The following PLAC9 variants were observed in gnomAD, a reference collection of about 807,000 sequenced individuals.
The protein encoded by PLAC9 is placenta associated 9, also known as placenta-specific protein 9.
Under a neutral mutation model 11.5 loss-of-function variants are expected in PLAC9, and 12 were observed. The ratio of observed to expected loss-of-function variants is 1.05; its 90% CI spans 0.67 to 1.69. PLAC9 has a LOEUF of 1.69. PLAC9 is among the 40% of genes most tolerant of loss of function. The probability of loss-of-function intolerance (pLI) is 0.00; values close to 1 mark genes in which losing one functional copy is unlikely to be tolerated. For synonymous variants in PLAC9, 62 were observed against 58.1 expected (o/e 1.07, Z -0.31); for missense variants, 132 against 130.5 (o/e 1.01, Z -0.06).
intron 2 of PLAC9, among the ~76,000 whole-genome samples, chr10:80,142,701 G>T (rs1845054676): frequency 6.6e-6 from 1 of 152,042 alleles, no homozygotes; most frequent in African/African-American, 2.4e-5. Context: ...TAAATCATGT[G>T]ATTTAGTGAG....
At chr10:80,135,375 G>T (rs1687147594) in intron 1 of PLAC9, among the ~76,000 whole-genome samples, 1 of 139,838 alleles carries the variant, frequency 7.2e-6, no homozygotes, top group Non-Finnish European at 1.5e-5. Flanking sequence ...ATCCAGGCTG[G>T]AGTGCAGTGG....
At chr10:80,143,134 G>A (rs919932454) in intron 2 of PLAC9, among the ~76,000 whole-genome samples, 8 of 151,996 alleles carry the variant, frequency 5.3e-5, no homozygotes, top group African/African-American at 1.9e-4. Flanking sequence ...TGCCTCCCAG[G>A]TTCCAGTGAT....
intron 1 of PLAC9, among the ~76,000 whole-genome samples, chr10:80,139,884 C>T (rs1323871033): frequency 6.6e-6 from 1 of 152,108 alleles, no homozygotes; most frequent in Admixed American, 6.5e-5. Flanking sequence ...CTACCATTTC[C>T]AGACACCATG....
At chr10:80,137,028 T>C (rs1358030978) in intron 1 of PLAC9, among the ~76,000 whole-genome samples, 4 of 152,212 alleles carry the variant, frequency 2.6e-5, no homozygotes, top group African/African-American at 7.2e-5. Context: ...TTTTCTACCA[T>C]GATGCGTTCA....
intron 1 of PLAC9, among the ~76,000 whole-genome samples, chr10:80,139,108 C>T (rs1389290479): frequency 6.6e-5 from 10 of 152,092 alleles, no homozygotes; most frequent in South Asian, 2.1e-4. Flanking sequence ...CCCACCGCCA[C>T]GCCCGGCTAA....
intron 1 of PLAC9, among the ~76,000 whole-genome samples, chr10:80,135,048 C>G (rs942553602): frequency 2.3e-5 from 3 of 131,832 alleles, no homozygotes; most frequent in African/African-American, 8.4e-5. Context: ...GAGATGGAGT[C>G]TCGCTCTGTC....
rs576212124 is a variant in PLAC9, at chr10:80,143,047, T to A, written c.162+868T>A. Among the ~76,000 whole-genome samples, 5 of 117,488 alleles carry A rather than the reference T, an allele frequency of 4.3e-5. No homozygotes were observed. The East Asian group carries it at 8.8e-4, about 21-fold the overall frequency. The allele number at this position is 117,488 out of a possible 152,430, so 77.1% of individuals were successfully genotyped here. On this transcript the variant is annotated intron_variant, in intron 2 of 3. Coordinates refer to ENST00000372263, the MANE Select transcript of PLAC9 (RefSeq NM_001012973.3). ...CAATACATATATTACATCAAAAATT[T>A]AAATTTTTTTTTGACAGAGTCTTGC...
chr10:80,132,679 GCAT>G, upstream of PLAC9: 1 of 1,175,876 alleles, frequency 8.5e-7, no homozygotes, highest in Non-Finnish European at 1.1e-6. Context: ...CGAACTGAGT[GCAT>G]TTCCTCTCGG....
At chr10:80,139,324 C>A (rs966170648) in intron 1 of PLAC9, among the ~76,000 whole-genome samples, 2 of 152,200 alleles carry the variant, frequency 1.3e-5, no homozygotes, top group African/African-American at 4.8e-5. Flanking sequence ...GCCCCCATTT[C>A]TCCCAATTCA....
chr10:80,133,943 CAAAAAA>C (rs61127711), intron 1 of PLAC9, among the ~76,000 whole-genome samples: 5 of 107,750 alleles, frequency 4.6e-5, no homozygotes, highest in Non-Finnish European at 8.8e-5. Context: ...GACTCAGTTT[CAAAAAA>C]AAAAAAAAAA....
At chr10:80,138,026 G>C (rs1029074940) in intron 1 of PLAC9, among the ~76,000 whole-genome samples, 4 of 152,230 alleles carry the variant, frequency 2.6e-5, no homozygotes, top group East Asian at 1.9e-4. Flanking sequence ...GCCCCCAGGG[G>C]CCTCTCTCTC....
intron 1 of PLAC9, 28 bp downstream of exon 1, chr10:80,132,854 G>T: frequency 3.4e-6 from 5 of 1,478,324 alleles, no homozygotes; most frequent in Non-Finnish European, 4.5e-6. Flanking sequence ...CGCGGCAGGG[G>T]ACCTGGAGCC....
At chr10:80,137,998 G>A (rs1360223131) in intron 1 of PLAC9, among the ~76,000 whole-genome samples, 1 of 152,066 alleles carries the variant, frequency 6.6e-6, no homozygotes, top group Non-Finnish European at 1.5e-5. Context: ...TCAGGATGTG[G>A]GGCCAGGATG....
At chr10:80,137,081 C>T (rs1031733052) in intron 1 of PLAC9, among the ~76,000 whole-genome samples, 4 of 152,152 alleles carry the variant, frequency 2.6e-5, no homozygotes, top group Non-Finnish European at 5.9e-5. Flanking sequence ...AATGTCAGGC[C>T]CTGCTCCAAG....
At chr10:80,134,833 T>C (rs555773597) in intron 1 of PLAC9, among the ~76,000 whole-genome samples, 2 of 108,226 alleles carry the variant, frequency 1.8e-5, no homozygotes, top group African/African-American at 5.6e-5. Flanking sequence ...TTCTCTCCCC[T>C]TTTTTTACTT....
intron 1 of PLAC9, among the ~76,000 whole-genome samples, chr10:80,134,913 G>A (rs1353011668): frequency 1.3e-5 from 2 of 151,952 alleles, no homozygotes; most frequent in African/African-American, 4.8e-5. Context: ...TTTGCTAATT[G>A]CATCCCTTTT....
intron 1 of PLAC9, among the ~76,000 whole-genome samples, chr10:80,138,110 A>G (rs1845000160): frequency 2.0e-5 from 3 of 152,150 alleles, no homozygotes; most frequent in Non-Finnish European, 2.9e-5. Flanking sequence ...TCAGACAGCC[A>G]GCTTTTGTTA....
chr10:80,136,472 A>G (rs1165892182), intron 1 of PLAC9, among the ~76,000 whole-genome samples: 3 of 151,714 alleles, frequency 2.0e-5, no homozygotes, highest in Non-Finnish European at 4.4e-5. Flanking sequence ...TTTTTTATTC[A>G]TTTATTTATT....
At chr10:80,136,490 A>T (rs1446719805) in intron 1 of PLAC9, among the ~76,000 whole-genome samples, 2 of 151,950 alleles carry the variant, frequency 1.3e-5, no homozygotes, top group East Asian at 3.9e-4. Flanking sequence ...ATTTTCTTAC[A>T]AGACACAGTC....
Sources: allele counts gnomAD v4.1 joint callset (sites outside exome capture counted in the v4.1 genomes callset), GRCh38; gene constraint gnomAD v4.1.1; transcripts MANE v1.5; gene names NCBI Gene and HGNC (gene_info 2026-07-23, HGNC 2026-07-21).